MGAT4C: variants seen among roughly 807,000 people sequenced by gnomAD.
MGAT4C encodes alpha-1,3-mannosyl-glycoprotein 4-beta-N-acetylglucosaminyltransferase C.
In MGAT4C, 19 loss-of-function variants were observed where a neutral mutation model predicts 40.1. The observed-to-expected ratio is 0.47, with a 90% CI of 0.33 to 0.70. MGAT4C has a LOEUF of 0.70. Ranked by LOEUF, MGAT4C falls within the 30% of genes least tolerant of loss-of-function variation. The probability of loss-of-function intolerance (pLI) is 0.02; values close to 1 mark genes in which losing one functional copy is unlikely to be tolerated. For synonymous variants in MGAT4C, 181 were observed against 187.1 expected (o/e 0.97, Z 0.27); for missense variants, 491 against 563.2 (o/e 0.87, Z 1.30).
chr12:86,204,773 T>C (rs1950187094), intron 1 of MGAT4C, among the ~76,000 whole-genome samples: 1 of 152,218 alleles, frequency 6.6e-6, no homozygotes, highest in East Asian at 1.9e-4. Flanking sequence ...TGCTTTGGAA[T>C]TGCAAGATAT....
chr12:86,367,264 A>T (rs1437379121), intron 3 of MGAT4C, among the ~76,000 whole-genome samples: 1 of 152,020 alleles, frequency 6.6e-6, no homozygotes, highest in Non-Finnish European at 1.5e-5. Flanking sequence ...TTCTTGGGTA[A>T]CTGCCAAACT....
At chr12:86,366,471 C>A (rs1253644620) in intron 3 of MGAT4C, among the ~76,000 whole-genome samples, 1 of 152,196 alleles carries the variant, frequency 6.6e-6, no homozygotes, top group East Asian at 1.9e-4. Flanking sequence ...AATGCAAGAA[C>A]AGGAAACCAA....
chr12:86,584,113 T>C (rs1960909111), intron 2 of MGAT4C, among the ~76,000 whole-genome samples: 1 of 150,770 alleles, frequency 6.6e-6, no homozygotes, highest in Non-Finnish European at 1.5e-5. Flanking sequence ...TATCAGTGAG[T>C]TTAAAACTCA....
At chr12:86,461,354 T>A (rs1214544136) in intron 2 of MGAT4C, among the ~76,000 whole-genome samples, 2 of 151,084 alleles carry the variant, frequency 1.3e-5, no homozygotes, top group Non-Finnish European at 2.9e-5. Flanking sequence ...CACGCCATTC[T>A]CCTGCCTCAG....
Position 86,729,225 on chromosome 12 carries a change from T to C in MGAT4C, c.-261-1984A>G, listed in dbSNP as rs796585267. 7.9e-5 allele frequency among the ~76,000 whole-genome samples: 12 copies of C among 152,268 alleles called. 1 individual carries two copies. Among genetic ancestry groups the C allele is most frequent in the African/African-American group, 2.6e-4 (11 of 41,562 alleles). ...AAGTAGAAGAGTATCATTGAATTGT[T>C]TGTAACACAAAGGATAAATGCTTGA... On this transcript the variant is annotated intron_variant, in intron 1 of 7. Transcript: ENST00000548651.
At chr12:86,595,601 A>G (rs1272513185) in intron 2 of MGAT4C, among the ~76,000 whole-genome samples, 1 of 152,056 alleles carries the variant, frequency 6.6e-6, no homozygotes, top group East Asian at 1.9e-4. Context: ...TTGACCAAAC[A>G]TCAGTCTATG....
At chr12:86,077,648 T>C (rs891240267) in intron 1 of MGAT4C, among the ~76,000 whole-genome samples, 5 of 152,076 alleles carry the variant, frequency 3.3e-5, no homozygotes, top group Admixed American at 3.3e-4. Flanking sequence ...CAGGTCATAG[T>C]TTTTTCCTGA....
chr12:86,815,775 A>G (rs1048614365), intron 1 of MGAT4C, among the ~76,000 whole-genome samples: 7 of 150,822 alleles, frequency 4.6e-5, no homozygotes, highest in South Asian at 2.1e-4. Flanking sequence ...ACCAAACATC[A>G]TATGTTCTCA....
At chr12:86,013,754 A>C (rs2136830749) in intron 2 of MGAT4C, 1 of 984,404 alleles carries the variant, frequency 1.0e-6, no homozygotes, top group East Asian at 1.1e-4. Flanking sequence ...TCAGGTCCAC[A>C]GAATCTTAGT....
At chr12:86,496,375 C>G (rs907647263) in intron 2 of MGAT4C, among the ~76,000 whole-genome samples, 2 of 151,780 alleles carry the variant, frequency 1.3e-5, no homozygotes, top group African/African-American at 4.8e-5. Flanking sequence ...TGTGAATGAG[C>G]GTAATAATTA....
intron 1 of MGAT4C, among the ~76,000 whole-genome samples, chr12:86,252,140 CT>C (rs1473323268): frequency 1.3e-5 from 2 of 151,974 alleles, no homozygotes; most frequent in East Asian, 3.9e-4. Context: ...TTATTAACCC[CT>C]GAAAAGGGCA....
chr12:86,756,555 C>T (rs1289979423), intron 1 of MGAT4C, among the ~76,000 whole-genome samples: 14 of 152,036 alleles, frequency 9.2e-5, no homozygotes, highest in Admixed American at 3.9e-4. Context: ...TTGATTTTAA[C>T]GGCCACTCTA....
At chr12:86,257,475 C>G (rs968725908), upstream of MGAT4C, among the ~76,000 whole-genome samples, 1 of 152,226 alleles carries the variant, frequency 6.6e-6, no homozygotes, top group Non-Finnish European at 1.5e-5. Context: ...AGCATGCGAA[C>G]AGTACAAGCA....
At chr12:86,449,113 T>TG (rs76534870) in intron 2 of MGAT4C, among the ~76,000 whole-genome samples, 4,160 of 152,210 alleles carry the variant, frequency 0.027, 158 homozygotes, top group African/African-American at 0.087. Context: ...TTTCTATCAT[T>TG]GGGGGCTACA....
In MGAT4C at chr12:85,978,643, A is replaced by C. The variant is rs1249584259; in HGVS notation, c.*646T>G. The C allele has an allele frequency of 6.6e-6, 1 of 151,984 alleles. No homozygotes were observed. Among genetic ancestry groups the C allele is most frequent in the Non-Finnish European group, 1.5e-5 (1 of 67,640 alleles). 9.4% of individuals were successfully genotyped at this position (151,984 alleles called of 1,614,324 possible). A position where few individuals can be genotyped will look rare whatever the true frequency, so the allele number is the denominator to read the frequency against. On this transcript the variant is annotated 3_prime_UTR_variant, in exon 5 of 5. Coordinates refer to ENST00000611864, the MANE Select transcript of MGAT4C (RefSeq NM_001351288.2). ...TTCCCCCAGAAAATTTATCAACAATAGGTGCTCAATTAAATGTTTTTAAAC... is the reference window on the plus strand; with the variant it reads ...TTCCCCCAGAAAATTTATCAACAATCGGTGCTCAATTAAATGTTTTTAAAC...
In MGAT4C at chr12:86,595,574, G is replaced by GTA. The variant is rs1259667184; in HGVS notation, c.-229+131633_-229+131634dup. Among the ~76,000 whole-genome samples, 5 of 151,032 alleles carry GTA rather than the reference G, an allele frequency of 3.3e-5. No homozygotes were observed. The East Asian group carries it at 9.7e-4, about 29-fold the overall frequency. Reference sequence around the variant, plus strand: ...AACTATTAAATAAACCCATTCTAAAGTATATATCATCATTCTTTGACCAAA... The same window carrying GTA: ...AACTATTAAATAAACCCATTCTAAAGTATATATATCATCATTCTTTGACCAAA... On this transcript the variant is annotated intron_variant, in intron 2 of 7. Coordinates refer to the MGAT4C transcript ENST00000548651.
intron 3 of MGAT4C, among the ~76,000 whole-genome samples, chr12:86,418,590 C>CAATA (rs57242289): frequency 0.21 from 30,753 of 145,568 alleles, 3,659 homozygotes; most frequent in Admixed American, 0.31. Flanking sequence ...GACTCCATCT[C>CAATA]AATAAATAAA....
upstream of MGAT4C, among the ~76,000 whole-genome samples, chr12:86,256,745 T>C (rs1952531234): frequency 6.6e-6 from 1 of 152,210 alleles, no homozygotes; most frequent in African/African-American, 2.4e-5. Flanking sequence ...GGACAAGATG[T>C]ATGTAATCAT....
Position 85,958,886 on chromosome 12 carries a change from G to T in MGAT4C, c.*20403C>A, listed in dbSNP as rs775651722. 18 of 151,894 alleles carry T rather than the reference G, an allele frequency of 1.2e-4. No individual in the cohort carries two copies. The highest frequency in any genetic ancestry group is 2.1e-4 in the Non-Finnish European group (14 of 67,942). 9.4% of individuals were successfully genotyped at this position (151,894 alleles called of 1,614,324 possible). ...AACTAATGATCAAATAGATTAAGTT[G>T]TATAAAATTTTACAAACTTTATATT... is the stretch of plus-strand genomic sequence containing the variant. On this transcript the variant is annotated 3_prime_UTR_variant, in exon 5 of 5. Transcript: ENST00000611864.
Sources: allele counts gnomAD v4.1 joint callset (sites outside exome capture counted in the v4.1 genomes callset), GRCh38; gene constraint gnomAD v4.1.1; transcripts MANE v1.5; gene names NCBI Gene and HGNC (gene_info 2026-07-23, HGNC 2026-07-21).